The following WASL variants were observed in gnomAD, a reference collection of about 807,000 sequenced individuals.
WASL encodes the protein WASP like actin nucleation promoting factor.
WASL carries 20 observed loss-of-function variants against 55.5 expected under a neutral mutation model. The observed-to-expected ratio is 0.36, with a 90% CI of 0.25 to 0.52. The LOEUF (loss-of-function observed/expected upper bound fraction) is 0.52, where lower values mean the gene tolerates loss of function less well. Among genes scored for constraint, WASL ranks in the 20% least tolerant of loss-of-function variants. The probability of loss-of-function intolerance (pLI) is 0.92; values close to 1 mark genes in which losing one functional copy is unlikely to be tolerated. For synonymous variants in WASL, 249 were observed against 217.6 expected, an observed-to-expected ratio of 1.14 and a Z score of -1.27; for missense variants, 504 against 622.5, an observed-to-expected ratio of 0.81 and a Z score of 2.03.
At chr7:123,701,829 ATTAT>A (rs1376236584) in intron 5 of WASL, among the ~76,000 whole-genome samples, 2 of 152,028 alleles carry the variant, frequency 1.3e-5, no homozygotes, top group Admixed American at 6.6e-5. Flanking sequence ...TGTATTAATA[ATTAT>A]TTATTTCATT....
intron 1 of WASL, among the ~76,000 whole-genome samples, chr7:123,717,865 C>T (rs1803871438): frequency 2.0e-5 from 3 of 152,094 alleles, no homozygotes; most frequent in South Asian, 2.1e-4. Flanking sequence ...CATTGTTGCA[C>T]ACAAAAGCAG....
chr7:123,697,284 C>T (rs1803508936), intron 5 of WASL, among the ~76,000 whole-genome samples: 1 of 152,092 alleles, frequency 6.6e-6, no homozygotes, highest in Non-Finnish European at 1.5e-5. Context: ...CACCAGTACG[C>T]ATACACCTTG....
At chr7:123,692,231 G>A (rs767276426) in intron 9 of WASL, 116 bp downstream of exon 9, 21 of 1,360,162 alleles carry the variant, frequency 1.5e-5, no homozygotes, top group Non-Finnish European at 1.8e-5. Context: ...ATAGGGTTAA[G>A]AATGAATTAG....
At chr7:123,720,310 A>T (rs1479640149) in intron 1 of WASL, 2 of 442,956 alleles carry the variant, frequency 4.5e-6, no homozygotes, top group Non-Finnish European at 9.0e-6. Context: ...AATAAAGCAC[A>T]GTTCAGCTAT....
intron 5 of WASL, among the ~76,000 whole-genome samples, chr7:123,697,253 T>A (rs1051233648): frequency 3.3e-5 from 5 of 152,134 alleles, no homozygotes; most frequent in African/African-American, 1.2e-4. Flanking sequence ...CTGGCATCCT[T>A]AAGTCAAATG....
chr7:123,691,140 C>A (rs1803401824), intron 9 of WASL, among the ~76,000 whole-genome samples: 1 of 152,162 alleles, frequency 6.6e-6, no homozygotes, highest in African/African-American at 2.4e-5. Flanking sequence ...TATTACCCTC[C>A]TTTTAGACAA....
intron 1 of WASL, among the ~76,000 whole-genome samples, chr7:123,711,436 A>G (rs1803756236): frequency 6.6e-6 from 1 of 152,176 alleles, no homozygotes; most frequent in Admixed American, 6.5e-5. Context: ...ACAACTATTC[A>G]AAAGCAATTT....
chr7:123,695,327 T>C (rs1803474522), intron 7 of WASL, among the ~76,000 whole-genome samples: 1 of 152,130 alleles, frequency 6.6e-6, no homozygotes, highest in Admixed American at 6.6e-5. Flanking sequence ...ACTAAAAATA[T>C]TTTTTACTCC....
At chr7:123,741,745 C>T (rs1226670276) in intron 1 of WASL, among the ~76,000 whole-genome samples, 1 of 152,100 alleles carries the variant, frequency 6.6e-6, no homozygotes, top group Admixed American at 6.5e-5. Flanking sequence ...TTTGCTCTTA[C>T]CAGTTTTTAT....
At chr7:123,703,094 A>G (rs1324901171) in intron 5 of WASL, among the ~76,000 whole-genome samples, 1 of 152,226 alleles carries the variant, frequency 6.6e-6, no homozygotes, top group African/African-American at 2.4e-5. Flanking sequence ...TTCACAGATG[A>G]GCAACCTGTA....
chr7:123,715,958 A>G (rs1031510310), intron 1 of WASL, among the ~76,000 whole-genome samples: 2 of 152,198 alleles, frequency 1.3e-5, no homozygotes, highest in Non-Finnish European at 2.9e-5. Flanking sequence ...AGACTGGGTT[A>G]TATTTGCAAA....
At chr7:123,748,481 G>A in intron 1 of WASL, 137 bp downstream of exon 1, 1 of 770,778 alleles carries the variant, frequency 1.3e-6, no homozygotes, top group Non-Finnish European at 1.9e-6. Context: ...CCGACGAGGG[G>A]CCGGGGCCGG....
At chr7:123,718,140 G>C (rs906227888) in intron 1 of WASL, among the ~76,000 whole-genome samples, 12 of 152,146 alleles carry the variant, frequency 7.9e-5, no homozygotes, top group Admixed American at 2.6e-4. Context: ...TAAGCTACTT[G>C]TCTAAATTTT....
intron 5 of WASL, among the ~76,000 whole-genome samples, chr7:123,699,070 A>T (rs904303012): frequency 6.6e-6 from 1 of 152,194 alleles, no homozygotes; most frequent in Non-Finnish European, 1.5e-5. Context: ...AAGAATTAAG[A>T]CAGAATTAGG....
intron 1 of WASL, 67 bp downstream of exon 1, chr7:123,748,551 T>C: frequency 1.9e-6 from 3 of 1,558,912 alleles, no homozygotes; most frequent in Non-Finnish European, 2.6e-6. Context: ...CACTCCCACT[T>C]CCCGGCCCCC....
chr7:123,720,472 C>A, intron 1 of WASL: 1 of 354,890 alleles, frequency 2.8e-6, no homozygotes, highest in South Asian at 2.3e-5. Flanking sequence ...ATACCACAAA[C>A]AAGAATAAAT....
chr7:123,732,810 A>G (rs904039806), intron 1 of WASL, among the ~76,000 whole-genome samples: 3 of 152,226 alleles, frequency 2.0e-5, no homozygotes, highest in African/African-American at 7.2e-5. Context: ...AGCAAATTGA[A>G]CCCAACAATA....
At chr7:123,732,286 C>T (rs531570146) in intron 1 of WASL, among the ~76,000 whole-genome samples, 3 of 152,120 alleles carry the variant, frequency 2.0e-5, no homozygotes, top group South Asian at 2.1e-4. Flanking sequence ...GCCGAGACTG[C>T]GCCACTGCAC....
rs1488416736 is a variant in WASL at position 123,694,679 on chromosome 7, AAAC to A, written c.826+33_826+35del. 3.1e-6 allele frequency: 5 copies of A among 1,607,146 alleles called. No individual in the cohort carries two copies. In the African/African-American group the frequency reaches 5.4e-5, roughly 17 times the overall value. ...CCATGAAACTGACCTCAAAAGATTAAAACAAAACAGAACGCTGAATAGAGATAA... is the reference window on the plus strand; with the variant it reads ...CCATGAAACTGACCTCAAAAGATTAAAAAACAGAACGCTGAATAGAGATAA... On this transcript the variant is annotated intron_variant, in intron 8 of 10. Transcript: ENST00000223023.
Sources: allele counts gnomAD v4.1 joint callset (sites outside exome capture counted in the v4.1 genomes callset), GRCh38; gene constraint gnomAD v4.1.1; transcripts MANE v1.5; gene names NCBI Gene and HGNC (gene_info 2026-07-23, HGNC 2026-07-21).